The following SNTG1 variants were observed in gnomAD, a reference collection of about 807,000 sequenced individuals.
The protein encoded by SNTG1 is syntrophin gamma 1, also known as gamma-1-syntrophin.
SNTG1 carries 39 observed loss-of-function variants against 74.7 expected under a neutral mutation model. That is an observed-to-expected ratio of 0.52 (90% CI 0.40 to 0.68). SNTG1 has a LOEUF of 0.68. Among genes scored for constraint, SNTG1 ranks in the 30% least tolerant of loss-of-function variants. The pLI, the probability that SNTG1 is intolerant of heterozygous loss-of-function variation, is 0.00. For synonymous variants in SNTG1, 254 were observed against 217.1 expected (o/e 1.17, Z -1.49); for missense variants, 685 against 609.5 (o/e 1.12, Z -1.30).
At chr8:50,612,737 T>C (rs1211409317) in intron 13 of SNTG1, among the ~76,000 whole-genome samples, 2 of 152,144 alleles carry the variant, frequency 1.3e-5, no homozygotes, top group African/African-American at 2.4e-5. Context: ...ACTGATTAAA[T>C]AGAAGTCCAA....
At chr8:50,736,409 G>A (rs2095528801) in intron 17 of SNTG1, among the ~76,000 whole-genome samples, 1 of 152,068 alleles carries the variant, frequency 6.6e-6, no homozygotes, top group Admixed American at 6.6e-5. Context: ...CAATACAGGA[G>A]CACTCAGATT....
chr8:50,269,821 G>A (rs1235434246), intron 2 of SNTG1, among the ~76,000 whole-genome samples: 1 of 152,122 alleles, frequency 6.6e-6, no homozygotes, highest in Admixed American at 6.6e-5. Flanking sequence ...TGTGGTACAG[G>A]CAGTATGTGG....
intron 1 of SNTG1, among the ~76,000 whole-genome samples, chr8:50,110,652 G>GATT (rs2080547919): frequency 6.6e-6 from 1 of 152,058 alleles, no homozygotes; most frequent in Non-Finnish European, 1.5e-5. Context: ...TTAAATCCAG[G>GATT]TAAACATATT....
chr8:50,135,383 G>A (rs996072240), intron 1 of SNTG1, among the ~76,000 whole-genome samples: 19 of 152,064 alleles, frequency 1.2e-4, no homozygotes, highest in African/African-American at 4.6e-4. Context: ...AAGAATTGTA[G>A]TCTTCTTTCA....
chr8:50,457,584 G>A (rs573425086), intron 8 of SNTG1, among the ~76,000 whole-genome samples: 2 of 152,212 alleles, frequency 1.3e-5, no homozygotes, highest in South Asian at 2.1e-4. Context: ...AAATCATACA[G>A]ATAAAAGAGG....
intron 2 of SNTG1, among the ~76,000 whole-genome samples, chr8:50,309,118 A>G (rs1040054479): frequency 3.3e-5 from 5 of 152,202 alleles, no homozygotes; most frequent in Admixed American, 1.3e-4. Context: ...CAACATTCAT[A>G]GCCCTTTACT....
chr8:50,006,023 G>A (rs1395073465), intron 1 of SNTG1, among the ~76,000 whole-genome samples: 1 of 135,878 alleles, frequency 7.4e-6, no homozygotes, highest in Non-Finnish European at 1.5e-5. Context: ...GGAGTGCAGT[G>A]GCCATCTGGG....
Position 50,794,892 on chromosome 8 carries a change from A to G in SNTG1, c.*2063A>G, listed in dbSNP as rs1267534300. Reference sequence around the variant, plus strand: ...TGAAATTTTGTAAACGTTCCATTTTAGAATTTAAAAAACCTATTAACCATT... The same window carrying G: ...TGAAATTTTGTAAACGTTCCATTTTGGAATTTAAAAAACCTATTAACCATT... On this transcript the variant is annotated 3_prime_UTR_variant, in exon 19 of 19. Coordinates refer to ENST00000642720, the MANE Select transcript of SNTG1 (RefSeq NM_018967.5). The G allele has an allele frequency of 6.6e-6, 1 of 152,074 alleles. No homozygotes were observed. Among genetic ancestry groups the G allele is most frequent in the East Asian group, 1.9e-4 (1 of 5,184 alleles). 9.4% of individuals were successfully genotyped at this position (152,074 alleles called of 1,614,324 possible). A position where few individuals can be genotyped will look rare whatever the true frequency, so the allele number is the denominator to read the frequency against.
chr8:50,701,586 C>CTTCTTCTCCTTCTTCTTCTTCT, intron 15 of SNTG1, among the ~76,000 whole-genome samples: 1 of 145,312 alleles, frequency 6.9e-6, no homozygotes, highest in East Asian at 2.0e-4. Flanking sequence ...CTTTTTCTTC[C>CTTCTTCTCCTTCTTCTTCTTCT]TCTTCTTCTT....
chr8:50,214,826 G>T (rs1005542028), intron 2 of SNTG1, among the ~76,000 whole-genome samples: 1 of 152,142 alleles, frequency 6.6e-6, no homozygotes, highest in African/African-American at 2.4e-5. Context: ...AAAATTGCAA[G>T]TGAGATGGGC....
intron 1 of SNTG1, among the ~76,000 whole-genome samples, chr8:50,135,527 C>G (rs371230144): frequency 6.6e-6 from 1 of 152,180 alleles, no homozygotes; most frequent in South Asian, 2.1e-4. Flanking sequence ...CAGTAGGAAG[C>G]AAGAACTATT....
chr8:50,022,541 C>T (rs2130687228), intron 1 of SNTG1, among the ~76,000 whole-genome samples: 1 of 152,290 alleles, frequency 6.6e-6, no homozygotes, highest in Non-Finnish European at 1.5e-5. Context: ...GATAAATTTC[C>T]TTGAAGGAGA....
intron 4 of SNTG1, among the ~76,000 whole-genome samples, chr8:50,422,277 A>ATCTGTCTG (rs1554521050): frequency 2.6e-5 from 4 of 151,574 alleles, no homozygotes; most frequent in African/African-American, 7.3e-5. Context: ...TCTACTATCT[A>ATCTGTCTG]TCTATCTATG....
At chr8:50,643,185 G>C (rs1034053963) in intron 13 of SNTG1, among the ~76,000 whole-genome samples, 9 of 152,222 alleles carry the variant, frequency 5.9e-5, no homozygotes, top group Admixed American at 2.6e-4. Context: ...CATGTCGACA[G>C]AAAATAGCCA....
chr8:50,256,580 A>G (rs2086894110), intron 2 of SNTG1, among the ~76,000 whole-genome samples: 1 of 152,188 alleles, frequency 6.6e-6, no homozygotes, highest in African/African-American at 2.4e-5. Context: ...GAATTGAGGG[A>G]AATCCATTCC....
chr8:50,471,670 G>C (rs2093655460), intron 8 of SNTG1, among the ~76,000 whole-genome samples: 1 of 152,160 alleles, frequency 6.6e-6, no homozygotes, highest in Admixed American at 6.5e-5. Context: ...AGGAATGTTT[G>C]TAGCAGGTTT....
intron 1 of SNTG1, among the ~76,000 whole-genome samples, chr8:49,923,287 A>G (rs1221516654): frequency 2.0e-5 from 3 of 152,146 alleles, no homozygotes; most frequent in African/African-American, 7.2e-5. Flanking sequence ...AATTCCTTCA[A>G]ATCTTACCCA....
At chr8:50,575,264 T>C (rs1240899231) in intron 12 of SNTG1, among the ~76,000 whole-genome samples, 1 of 152,208 alleles carries the variant, frequency 6.6e-6, no homozygotes, top group Non-Finnish European at 1.5e-5. Flanking sequence ...TAGCCCACTT[T>C]TTGAATATTT....
At chr8:50,645,585 G>A (rs1182502624) in intron 13 of SNTG1, among the ~76,000 whole-genome samples, 1 of 151,870 alleles carries the variant, frequency 6.6e-6, no homozygotes. Flanking sequence ...GGGTTCATAG[G>A]GATATTATCT....
Sources: allele counts gnomAD v4.1 joint callset (sites outside exome capture counted in the v4.1 genomes callset), GRCh38; gene constraint gnomAD v4.1.1; transcripts MANE v1.5; gene names NCBI Gene and HGNC (gene_info 2026-07-23, HGNC 2026-07-21).